NTRK3: variants seen among roughly 807,000 people sequenced by gnomAD.
NTRK3 encodes the protein neurotrophic receptor tyrosine kinase 3, also known as NT-3 growth factor receptor.
NTRK3 carries 24 observed loss-of-function variants against 91.7 expected under a neutral mutation model. The ratio of observed to expected loss-of-function variants is 0.26; its 90% CI spans 0.19 to 0.37. The LOEUF (loss-of-function observed/expected upper bound fraction) is 0.37. NTRK3 is among the 10% of genes least tolerant of loss of function. The pLI, the probability that NTRK3 is intolerant of heterozygous loss-of-function variation, is 1.00. For missense variants in NTRK3, 880 were observed against 1,068.9 expected (o/e 0.82, Z 2.46); for synonymous variants, 483 against 404.0 (o/e 1.20, Z -2.34).
chr15:87,952,109 AG>A (rs2071165642), intron 14 of NTRK3, among the ~76,000 whole-genome samples: 1 of 152,110 alleles, frequency 6.6e-6, no homozygotes, highest in African/African-American at 2.4e-5. Context: ...GCTGGGCAAC[AG>A]AGCAAGATTC....
intron 14 of NTRK3, among the ~76,000 whole-genome samples, chr15:88,027,940 G>A (rs1267910670): frequency 6.6e-6 from 1 of 152,176 alleles, no homozygotes; most frequent in Non-Finnish European, 1.5e-5. Context: ...GGAAGGAAAG[G>A]TCCCATTGCG....
intron 17 of NTRK3, among the ~76,000 whole-genome samples, chr15:87,891,137 T>C (rs981039354): frequency 6.6e-6 from 1 of 152,146 alleles, no homozygotes; most frequent in Non-Finnish European, 1.5e-5. Context: ...AGTTTCAAAA[T>C]AACAGTTCAA....
chr15:88,208,969 G>A (rs1201337568), intron 3 of NTRK3, among the ~76,000 whole-genome samples: 5 of 152,124 alleles, frequency 3.3e-5, no homozygotes, highest in Admixed American at 6.6e-5. Flanking sequence ...GTGAGGCATT[G>A]GACATACAGA....
At chr15:87,988,659 T>G (rs1236250490) in intron 14 of NTRK3, among the ~76,000 whole-genome samples, 1 of 152,214 alleles carries the variant, frequency 6.6e-6, no homozygotes, top group African/African-American at 2.4e-5. Flanking sequence ...AGGGAAGACG[T>G]TGATTTTTGT....
At chr15:88,188,305 A>G (rs1381632301) in intron 3 of NTRK3, among the ~76,000 whole-genome samples, 2 of 152,214 alleles carry the variant, frequency 1.3e-5, no homozygotes, top group African/African-American at 4.8e-5. Context: ...GTCTCATAAT[A>G]CATTGGTTCT....
Position 87,905,668 on chromosome 15 carries a change from G to A in NTRK3, c.2133+23523C>T, listed in dbSNP as rs117720346. Among the ~76,000 whole-genome samples, 1,248 of 152,106 alleles carry A rather than the reference G, an allele frequency of 8.2e-3. 6 individuals carry two copies. The highest frequency in any genetic ancestry group is 0.014 in the Non-Finnish European group (971 of 67,988). On this transcript the variant is annotated intron_variant, in intron 17 of 18. Coordinates refer to ENST00000394480, the Ensembl canonical transcript of NTRK3. ...GGATTATCTTCAAACTCAACTCTTC[G>A]CTCAAACCCCTGTCGAAAAACCTTT...
At chr15:88,127,688 CT>C (rs1265570903) in intron 11 of NTRK3, among the ~76,000 whole-genome samples, 2 of 152,218 alleles carry the variant, frequency 1.3e-5, no homozygotes, top group African/African-American at 4.8e-5. Flanking sequence ...TGTGCCCTCC[CT>C]CTTTCCTTCT....
At chr15:87,983,411 T>C (rs2074466485) in intron 14 of NTRK3, among the ~76,000 whole-genome samples, 1 of 152,044 alleles carries the variant, frequency 6.6e-6, no homozygotes, top group East Asian at 1.9e-4. Context: ...CAGGTAGGCA[T>C]GGAATGGAGC....
intron 13 of NTRK3, among the ~76,000 whole-genome samples, chr15:88,043,797 GAGA>G (rs951118032): frequency 2.6e-5 from 4 of 152,200 alleles, no homozygotes; most frequent in African/African-American, 9.6e-5. Context: ...AACTGATGCA[GAGA>G]AGAAGAAAAT....
chr15:87,891,518 A>C (rs371899880), intron 17 of NTRK3, among the ~76,000 whole-genome samples: 1 of 152,318 alleles, frequency 6.6e-6, no homozygotes, highest in South Asian at 2.1e-4. Flanking sequence ...TTCCTCCTAC[A>C]GATAACCATT....
rs114748475 is a variant in NTRK3, at chr15:88,077,429, C to G, written c.1397-44384G>C. 1.3e-3 allele frequency among the ~76,000 whole-genome samples: 202 copies of G among 152,212 alleles called. 3 individuals carry two copies. The highest frequency in any genetic ancestry group is 8.8e-3 in the Admixed American group (135 of 15,296). ...TCTGCCTTCCCAGCCCTGCCTCCCC[C>G]ACCCTCGCCCTCACCCCAGAGTTGT... On this transcript the variant is annotated intron_variant, in intron 13 of 18. Transcript: ENST00000394480.
chr15:87,984,378 T>C (rs2074554871), intron 14 of NTRK3, among the ~76,000 whole-genome samples: 1 of 152,244 alleles, frequency 6.6e-6, no homozygotes, highest in Admixed American at 6.5e-5. Flanking sequence ...CATCAAAGCA[T>C]TCTAATGGTG....
At chr15:88,137,290 G>A in intron 7 of NTRK3, 114 bp downstream of exon 7, 1 of 1,229,378 alleles carries the variant, frequency 8.1e-7, no homozygotes, top group Non-Finnish European at 1.2e-6. Context: ...GTTCAAGGCT[G>A]GGAGGGCGTT....
Position 88,240,037 on chromosome 15 carries a change from C to T in NTRK3, c.248+15869G>A, listed in dbSNP as rs1598127591. 6.6e-6 allele frequency among the ~76,000 whole-genome samples: 1 copy of T among 151,918 alleles called. No individual in the cohort carries two copies. The highest frequency in any genetic ancestry group is 1.5e-5 in the Non-Finnish European group (1 of 68,030). On this transcript the variant is annotated intron_variant, in intron 3 of 18. Transcript: ENST00000394480. The surrounding 1 kb of genome is among the most constrained non-coding windows in gnomAD (Gnocchi z 4.9). ...GGTCTCCAGAACACACATATACACA[C>T]ACAGCGACACACACAGACACACACA...
intron 16 of NTRK3, chr15:87,931,291 G>A: frequency 4.0e-6 from 2 of 504,380 alleles, no homozygotes; most frequent in Non-Finnish European, 7.9e-6. Flanking sequence ...TGGGCCCCAG[G>A]GGAACAAAAG....
In NTRK3 at chr15:88,039,221, T is replaced by C. The variant is rs117709791; in HGVS notation, c.1397-6176A>G. Among the ~76,000 whole-genome samples the C allele has an allele frequency of 1.2e-3, 178 of 151,822 alleles. 3 individuals carry two copies. In the East Asian group the frequency reaches 0.03, roughly 25 times the overall value. Reference sequence around the variant, plus strand: ...TTATCGGCCTCTCTGCTGTCACTAATCCATTCCAAATTACACAATTACTTT... The same window carrying C: ...TTATCGGCCTCTCTGCTGTCACTAACCCATTCCAAATTACACAATTACTTT... On this transcript the variant is annotated intron_variant, in intron 13 of 18. Coordinates refer to ENST00000394480, the Ensembl canonical transcript of NTRK3.
intron 13 of NTRK3, among the ~76,000 whole-genome samples, chr15:88,108,281 T>C (rs146214378): frequency 2.4e-4 from 36 of 152,336 alleles, no homozygotes; most frequent in Non-Finnish European, 4.9e-4. Flanking sequence ...AAGCCAAGTA[T>C]GTGAGTCAGG....
chr15:88,215,062 A>G (rs1433019356), intron 3 of NTRK3, among the ~76,000 whole-genome samples: 1 of 152,198 alleles, frequency 6.6e-6, no homozygotes, highest in Non-Finnish European at 1.5e-5. Context: ...ATAGGCCCAT[A>G]GCCCTTCTTG....
intron 13 of NTRK3, among the ~76,000 whole-genome samples, chr15:88,061,530 A>C (rs544401729): frequency 6.6e-6 from 1 of 152,374 alleles, no homozygotes; most frequent in African/African-American, 2.4e-5. Flanking sequence ...GGCACAGAGC[A>C]GGAGCAGGAG....
Sources: gnomAD v4.1 joint callset for allele counts (sites outside exome capture counted in the v4.1 genomes callset) on GRCh38, gnomAD v4.1.1 for gene constraint, Gnocchi (gnomAD v3.1) non-coding constraint, MANE v1.5 for transcripts, NCBI Gene and HGNC (gene_info 2026-07-23, HGNC 2026-07-21) for gene names.